GALNT17: variants seen among roughly 807,000 people sequenced by gnomAD.
GALNT17 encodes the protein UDP-GalNAc:polypeptide N-acetylgalactosaminyltransferase-like 3.
A neutral mutation model predicts 63.7 loss-of-function variants in GALNT17; 29 were observed. The ratio of observed to expected loss-of-function variants is 0.46; its 90% CI spans 0.34 to 0.62. The LOEUF is 0.62. Among genes scored for constraint, GALNT17 ranks in the 20% least tolerant of loss-of-function variants. The pLI, the probability that GALNT17 is intolerant of heterozygous loss-of-function variation, is 0.01. For missense variants in GALNT17, 603 were observed against 799.6 expected, an observed-to-expected ratio of 0.75 and a Z score of 2.97; for synonymous variants, 305 against 318.3, an observed-to-expected ratio of 0.96 and a Z score of 0.45.
chr7:71,213,166 C>T (rs1789413363), intron 1 of GALNT17, among the ~76,000 whole-genome samples: 1 of 152,230 alleles, frequency 6.6e-6, no homozygotes, highest in East Asian at 1.9e-4. Context: ...ATCATGGGGG[C>T]CAGTCTTTCC....
chr7:71,525,384 T>A (rs1788606426), intron 5 of GALNT17, among the ~76,000 whole-genome samples: 1 of 152,022 alleles, frequency 6.6e-6, no homozygotes, highest in Admixed American at 6.6e-5. Flanking sequence ...TTTTTTGTAT[T>A]TTTAGTAGAG....
chr7:71,138,489 T>C (rs1787828053), intron 1 of GALNT17, among the ~76,000 whole-genome samples: 2 of 152,242 alleles, frequency 1.3e-5, no homozygotes, highest in South Asian at 2.1e-4. Flanking sequence ...AAAAAATCTA[T>C]GTACAGGTGG....
At chr7:71,317,575 G>A (rs1033357614) in intron 1 of GALNT17, among the ~76,000 whole-genome samples, 3 of 152,114 alleles carry the variant, frequency 2.0e-5, no homozygotes, top group South Asian at 2.1e-4. Flanking sequence ...GGCTGCTCTG[G>A]GGGGATCATG....
chr7:71,455,975 G>A (rs1204899855), intron 5 of GALNT17, among the ~76,000 whole-genome samples: 1 of 152,182 alleles, frequency 6.6e-6, no homozygotes, highest in Non-Finnish European at 1.5e-5. Context: ...GCCGGGGACG[G>A]TGGCTCACGT....
intron 3 of GALNT17, among the ~76,000 whole-genome samples, chr7:71,402,068 C>G (rs550590390): frequency 6.6e-6 from 1 of 152,252 alleles, no homozygotes; most frequent in South Asian, 2.1e-4. Flanking sequence ...TTGGCCAAGG[C>G]ACTTAACTTT....
At chr7:71,501,203 A>C (rs186088388) in intron 5 of GALNT17, among the ~76,000 whole-genome samples, 1 of 152,230 alleles carries the variant, frequency 6.6e-6, no homozygotes, top group Admixed American at 6.5e-5. Context: ...TCCTGGCCTC[A>C]AATGATCCAT....
At chr7:71,405,514 A>G (rs984776413) in intron 3 of GALNT17, among the ~76,000 whole-genome samples, 2 of 152,222 alleles carry the variant, frequency 1.3e-5, no homozygotes, top group East Asian at 3.8e-4. Flanking sequence ...GCATGCCTGC[A>G]GTCCCAGAAA....
intron 9 of GALNT17, among the ~76,000 whole-genome samples, chr7:71,697,698 C>A (rs978259400): frequency 6.6e-6 from 1 of 152,176 alleles, no homozygotes; most frequent in African/African-American, 2.4e-5. Context: ...GAATGAGCAT[C>A]ACAGTAATGA....
chr7:71,525,607 G>A (rs1032021545), intron 5 of GALNT17, among the ~76,000 whole-genome samples: 5 of 150,508 alleles, frequency 3.3e-5, no homozygotes, highest in Admixed American at 6.6e-5. Flanking sequence ...CTGCCACCAT[G>A]TAAGATGTGC....
At chr7:71,315,992 A>G (rs568863838) in intron 1 of GALNT17, among the ~76,000 whole-genome samples, 9 of 152,286 alleles carry the variant, frequency 5.9e-5, no homozygotes, top group Admixed American at 3.9e-4. Context: ...AGAGGGCCAT[A>G]TGATTCTCCT....
intron 5 of GALNT17, among the ~76,000 whole-genome samples, chr7:71,570,730 A>G (rs1373235286): frequency 1.3e-5 from 2 of 152,132 alleles, no homozygotes; most frequent in African/African-American, 4.8e-5. Flanking sequence ...CTGTAATCCC[A>G]GCACTTTGGG....
intron 5 of GALNT17, among the ~76,000 whole-genome samples, chr7:71,456,257 A>T (rs944151810): frequency 2.0e-5 from 3 of 152,116 alleles, no homozygotes; most frequent in Non-Finnish European, 2.9e-5. Flanking sequence ...AAAAAAAAAG[A>T]TTAAGCTTTG....
In GALNT17 at chr7:71,530,537, A is replaced by AATTTATTT. The variant is rs59298142; in HGVS notation, c.963-40703_963-40696dup. On this transcript the variant is annotated intron_variant, in intron 5 of 10. Transcript: ENST00000333538. ...TCAGTGTCTTTTGGAGAGGTACAAG[A>AATTTATTT]ATTTATTTATTTATTTATTTATTTA... Among the ~76,000 whole-genome samples, 648 of 140,360 alleles carry AATTTATTT rather than the reference A, an allele frequency of 4.6e-3. 4 individuals carry two copies. Among genetic ancestry groups the AATTTATTT allele is most frequent in the East Asian group, 0.039 (179 of 4,556 alleles). The allele number at this position is 140,360 out of a possible 152,430, so 92.1% of individuals were successfully genotyped here.
At chr7:71,677,376 T>TC in intron 9 of GALNT17, 70 bp downstream of exon 9, 4 of 1,457,116 alleles carry the variant, frequency 2.7e-6, no homozygotes, top group Non-Finnish European at 1.9e-6. Flanking sequence ...CTTGCAGGCC[T>TC]TCTGGATAAA....
chr7:71,664,723 C>T (rs922860478), intron 6 of GALNT17, among the ~76,000 whole-genome samples: 4 of 152,156 alleles, frequency 2.6e-5, no homozygotes, highest in Non-Finnish European at 2.9e-5. Flanking sequence ...ATTGGCAGGG[C>T]GCAGCTTCAG....
intron 5 of GALNT17, among the ~76,000 whole-genome samples, chr7:71,504,523 C>T (rs1172686951): frequency 6.6e-6 from 1 of 152,108 alleles, no homozygotes; most frequent in Non-Finnish European, 1.5e-5. Flanking sequence ...TACTTATTTA[C>T]ATATTTTACA....
intron 1 of GALNT17, among the ~76,000 whole-genome samples, chr7:71,157,961 C>A (rs1279766979): frequency 1.3e-5 from 2 of 151,648 alleles, no homozygotes; most frequent in Non-Finnish European, 2.9e-5. Flanking sequence ...ACGATTTCAT[C>A]ATTTTTCAGG....
chr7:71,655,690 T>C (rs1584116139), intron 6 of GALNT17, among the ~76,000 whole-genome samples: 1 of 152,326 alleles, frequency 6.6e-6, no homozygotes, highest in South Asian at 2.1e-4. Context: ...TTGATCTTTC[T>C]TGGGTCTATC....
chr7:71,401,390 C>G (rs1275179301), intron 3 of GALNT17, among the ~76,000 whole-genome samples: 1 of 152,110 alleles, frequency 6.6e-6, no homozygotes, highest in East Asian at 1.9e-4. Context: ...AGCCACCATG[C>G]CTGGCCCTCA....
Sources: gnomAD v4.1 joint callset for allele counts (sites outside exome capture counted in the v4.1 genomes callset) on GRCh38, gnomAD v4.1.1 for gene constraint, MANE v1.5 for transcripts, NCBI Gene and HGNC (gene_info 2026-07-23, HGNC 2026-07-21) for gene names.